The following EHBP1 variants were observed in gnomAD, a reference collection of about 807,000 sequenced individuals.
EHBP1 encodes the protein EH domain binding protein 1.
A neutral mutation model predicts 144.0 loss-of-function variants in EHBP1; 55 were observed. The ratio of observed to expected loss-of-function variants is 0.38; its 90% CI spans 0.31 to 0.48. EHBP1 has a LOEUF of 0.48. Ranked by LOEUF, EHBP1 falls within the 20% of genes least tolerant of loss-of-function variation. The pLI is 0.98. For synonymous variants in EHBP1, 469 were observed against 472.7 expected, an observed-to-expected ratio of 0.99 and a Z score of 0.10; for missense variants, 1,200 against 1,364.2, an observed-to-expected ratio of 0.88 and a Z score of 1.90.
At chr2:62,972,375 AAG>A (rs762300528) in intron 14 of EHBP1, among the ~76,000 whole-genome samples, 1 of 152,224 alleles carries the variant, frequency 6.6e-6, no homozygotes, top group Admixed American at 6.5e-5. Flanking sequence ...TTGAGTAAAA[AAG>A]AAAAAATGCA....
At chr2:62,989,023 T>G (rs1559031678) in intron 15 of EHBP1, among the ~76,000 whole-genome samples, 2 of 152,116 alleles carry the variant, frequency 1.3e-5, no homozygotes, top group Admixed American at 6.6e-5. Context: ...TGTCAGTAGC[T>G]CCTTCATGGC....
chr2:63,032,077 G>C (rs1349524998), intron 19 of EHBP1, among the ~76,000 whole-genome samples: 1 of 151,926 alleles, frequency 6.6e-6, no homozygotes, highest in African/African-American at 2.4e-5. Context: ...GAGAAATCCA[G>C]TGCTGACCTT....
intron 5 of EHBP1, among the ~76,000 whole-genome samples, chr2:62,813,787 T>C (rs958863287): frequency 6.6e-6 from 1 of 152,232 alleles, no homozygotes; most frequent in African/African-American, 2.4e-5. Flanking sequence ...GGGAACTAGT[T>C]ACTCCTTTCT....
chr2:62,841,259 A>C lies in EHBP1; in HGVS notation c.634+10101A>C, dbSNP rs548667935. ...GCAAGATCAAAAAACCAAACACCGC[A>C]TATTCTCACTCATAGGTGGGAACTG... On this transcript the variant is annotated intron_variant, in intron 7 of 22. Transcript: ENST00000431489. Among the ~76,000 whole-genome samples, 73 of 149,442 alleles carry C rather than the reference A, an allele frequency of 4.9e-4. 1 individual carries two copies. The highest frequency in any genetic ancestry group is 1.6e-3 in the African/African-American group (65 of 40,478).
intron 10 of EHBP1, among the ~76,000 whole-genome samples, chr2:62,920,123 C>G (rs937540509): frequency 6.6e-6 from 1 of 152,082 alleles, no homozygotes; most frequent in African/African-American, 2.4e-5. Flanking sequence ...ATGTAAACAT[C>G]TAAGATTAAC....
chr2:62,758,666 G>A (rs1275416732), intron 3 of EHBP1, among the ~76,000 whole-genome samples: 3 of 152,118 alleles, frequency 2.0e-5, no homozygotes, highest in Non-Finnish European at 4.4e-5. Flanking sequence ...AGAAATTTAG[G>A]CTCACAGAGA....
intron 10 of EHBP1, among the ~76,000 whole-genome samples, chr2:62,924,035 C>T (rs930327613): frequency 1.3e-5 from 2 of 152,124 alleles, no homozygotes; most frequent in African/African-American, 4.8e-5. Flanking sequence ...ACAGCTTGTA[C>T]CCATATCCCA....
intron 5 of EHBP1, among the ~76,000 whole-genome samples, chr2:62,825,621 A>G (rs1573548885): frequency 6.6e-6 from 1 of 152,110 alleles, no homozygotes; most frequent in Non-Finnish European, 1.5e-5. Flanking sequence ...GAAAAAAAAA[A>G]AAGAGGTAGA....
chr2:62,730,885 G>GAGAGACAGAGAGAGAAAGAGAA (rs60707502), intron 2 of EHBP1, among the ~76,000 whole-genome samples: 1 of 142,150 alleles, frequency 7.0e-6, no homozygotes, highest in Non-Finnish European at 1.6e-5. Flanking sequence ...CAGAGAAAGA[G>GAGAGACAGAGAGAGAAAGAGAA]TAAGACAGAA....
intron 10 of EHBP1, 70 bp from the exon 11 acceptor site, chr2:62,942,648 G>A (rs920267645): frequency 7.2e-7 from 1 of 1,384,044 alleles, no homozygotes; most frequent in Non-Finnish European, 9.8e-7. Context: ...GATCTGATTA[G>A]GTCAATTAAT....
intron 5 of EHBP1, among the ~76,000 whole-genome samples, chr2:62,787,948 G>C (rs1254409394): frequency 1.3e-5 from 2 of 152,188 alleles, no homozygotes; most frequent in Admixed American, 1.3e-4. Context: ...AACTCTTTAA[G>C]GTTGTGATTT....
intron 19 of EHBP1, among the ~76,000 whole-genome samples, chr2:63,032,297 G>C (rs536136662): frequency 1.5e-3 from 230 of 150,724 alleles, no homozygotes; most frequent in African/African-American, 5.4e-3. Context: ...GGCTGGGCGC[G>C]GTGCCTCACG....
rs2057234545 is a variant in EHBP1 at position 62,949,047 on chromosome 2, G to A, written c.2201G>A (p.Ser734Asn). The A allele has an allele frequency of 6.2e-7, 1 of 1,613,408 alleles. No homozygotes were observed. The highest frequency in any genetic ancestry group is 1.3e-5 in the African/African-American group (1 of 74,862). Reference sequence around the variant, plus strand: ...ACTTCTAAACTTGGATACTCATATAGTAGAGATCTAGACCTTGCTAAGAAA... The same window carrying A: ...ACTTCTAAACTTGGATACTCATATAATAGAGATCTAGACCTTGCTAAGAAA... The part of the protein sequence containing the change: ...SPTSKLGYSY[S>N]RDLDLAKKKH... Residue 734 changes from serine (S) to asparagine (N), a missense_variant, in exon 13 of 23, where the codon AGT becomes AAT. Coordinates refer to ENST00000431489, the MANE Select transcript of EHBP1 (RefSeq NM_001142616.3).
At chr2:62,725,436 A>G (rs1292439648) in intron 2 of EHBP1, among the ~76,000 whole-genome samples, 3 of 152,088 alleles carry the variant, frequency 2.0e-5, no homozygotes, top group Non-Finnish European at 4.4e-5. Flanking sequence ...CCTGCTGGCA[A>G]CTGTGCATGC....
At chr2:62,779,564 T>C (rs2042285463) in intron 5 of EHBP1, among the ~76,000 whole-genome samples, 2 of 152,186 alleles carry the variant, frequency 1.3e-5, no homozygotes, top group Admixed American at 6.5e-5. Flanking sequence ...CAGAATACAT[T>C]TGAATGATAA....
chr2:62,675,098 A>G (rs545840920), intron 1 of EHBP1, among the ~76,000 whole-genome samples: 7 of 152,354 alleles, frequency 4.6e-5, no homozygotes, highest in African/African-American at 1.7e-4. Flanking sequence ...TGGGAGGCAG[A>G]AACTGGAGAG....
At chr2:62,767,734 G>T (rs1213550573) in intron 4 of EHBP1, among the ~76,000 whole-genome samples, 1 of 151,580 alleles carries the variant, frequency 6.6e-6, no homozygotes, top group Non-Finnish European at 1.5e-5. Context: ...TACTCAGGAG[G>T]TTGAGGTGGG....
At chr2:62,845,593 C>T (rs577796738) in intron 7 of EHBP1, among the ~76,000 whole-genome samples, 1 of 151,634 alleles carries the variant, frequency 6.6e-6, no homozygotes, top group Admixed American at 6.6e-5. Context: ...GGACTCTGGT[C>T]AGAGAGTAGG....
chr2:62,694,836 T>C (rs1409160279), intron 1 of EHBP1, among the ~76,000 whole-genome samples: 3 of 152,172 alleles, frequency 2.0e-5, no homozygotes, highest in Admixed American at 1.3e-4. Flanking sequence ...CCTATCTTTA[T>C]AGCAATCAGT....
Sources: gnomAD v4.1 joint callset for allele counts (sites outside exome capture counted in the v4.1 genomes callset) on GRCh38, gnomAD v4.1.1 for gene constraint, MANE v1.5 for transcripts, NCBI Gene and HGNC (gene_info 2026-07-23, HGNC 2026-07-21) for gene names.